The following PRIM2 variants were observed in gnomAD, a reference collection of about 807,000 sequenced individuals.
PRIM2 encodes DNA primase large subunit.
PRIM2 carries 39 observed loss-of-function variants against 67.3 expected under a neutral mutation model. That is an observed-to-expected ratio of 0.58 (90% CI 0.45 to 0.76). The LOEUF is 0.76. Among genes scored for constraint, PRIM2 ranks in the 30% least tolerant of loss-of-function variants. The pLI is 0.00. For synonymous variants in PRIM2, 143 were observed against 198.7 expected, an observed-to-expected ratio of 0.72 and a Z score of 2.36; for missense variants, 398 against 598.7, an observed-to-expected ratio of 0.66 and a Z score of 3.50.
At chr6:57,544,960 A>AT (rs1307578076) in intron 10 of PRIM2, among the ~76,000 whole-genome samples, 3 of 152,120 alleles carry the variant, frequency 2.0e-5, no homozygotes, top group Non-Finnish European at 4.4e-5. Context: ...CAAATCTTTA[A>AT]AGTTTAGCTT....
chr6:57,458,388 G>T (rs1772880854), intron 7 of PRIM2, among the ~76,000 whole-genome samples: 1 of 152,176 alleles, frequency 6.6e-6, no homozygotes, highest in African/African-American at 2.4e-5. Context: ...CCCTGGAAAA[G>T]AACTGTGATT....
chr6:57,367,309 A>G (rs1224454184), intron 5 of PRIM2, among the ~76,000 whole-genome samples: 1 of 152,200 alleles, frequency 6.6e-6, no homozygotes, highest in South Asian at 2.1e-4. Context: ...TTTGTTAAAG[A>G]TTTTCCAATT....
At chr6:57,387,760 T>C (rs1217908001) in intron 7 of PRIM2, among the ~76,000 whole-genome samples, 1 of 151,572 alleles carries the variant, frequency 6.6e-6, no homozygotes, top group Non-Finnish European at 1.5e-5. Context: ...CCAGTTCTTT[T>C]ATTTAATGGT....
chr6:57,445,522 C>A (rs980732346), intron 7 of PRIM2, among the ~76,000 whole-genome samples: 5 of 152,116 alleles, frequency 3.3e-5, no homozygotes, highest in African/African-American at 1.2e-4. Flanking sequence ...CACCTCTAGG[C>A]CATCTTTGTT....
At chr6:57,334,668 A>G (rs886368118) in intron 5 of PRIM2, among the ~76,000 whole-genome samples, 4 of 152,092 alleles carry the variant, frequency 2.6e-5, no homozygotes, top group African/African-American at 9.7e-5. Flanking sequence ...CAAAGAAATA[A>G]GAGGATAATA....
At chr6:57,620,447 T>C (rs1158631113) in intron 12 of PRIM2, among the ~76,000 whole-genome samples, 2 of 152,290 alleles carry the variant, frequency 1.3e-5, no homozygotes, top group East Asian at 3.9e-4. Flanking sequence ...CCAAGAATTT[T>C]GTATCCAGTG....
intron 7 of PRIM2, among the ~76,000 whole-genome samples, chr6:57,475,505 C>T (rs1406789798): frequency 6.6e-6 from 1 of 152,196 alleles, no homozygotes; most frequent in African/African-American, 2.4e-5. Flanking sequence ...TTTTAAGGTT[C>T]ATCCATTTTG....
chr6:57,549,767 T>G (rs1775363232), intron 10 of PRIM2, among the ~76,000 whole-genome samples: 1 of 152,198 alleles, frequency 6.6e-6, no homozygotes, highest in South Asian at 2.1e-4. Flanking sequence ...TTCGTGTTAG[T>G]GAGATCCTAG....
chr6:57,527,692 CTTGTGT>C (rs1774788993), intron 8 of PRIM2, among the ~76,000 whole-genome samples: 1 of 152,198 alleles, frequency 6.6e-6, no homozygotes, highest in Non-Finnish European at 1.5e-5. Context: ...ATCTGCCTTT[CTTGTGT>C]TGTATCTAAC....
At chr6:57,534,692 G>A (rs1181694485) in intron 9 of PRIM2, among the ~76,000 whole-genome samples, 1 of 152,146 alleles carries the variant, frequency 6.6e-6, no homozygotes, top group East Asian at 1.9e-4. Context: ...CCAAACTCAT[G>A]TTGTGGCCTC....
intron 7 of PRIM2, among the ~76,000 whole-genome samples, chr6:57,446,574 T>C (rs72873598): frequency 2.0e-5 from 3 of 151,510 alleles, no homozygotes; most frequent in African/African-American, 7.3e-5. Context: ...CCACCATGCC[T>C]GGGGCTGCTT....
intron 12 of PRIM2, among the ~76,000 whole-genome samples, chr6:57,618,735 G>A (rs1392443147): frequency 2.0e-5 from 3 of 152,104 alleles, no homozygotes; most frequent in African/African-American, 7.2e-5. Context: ...AGTGACCTGG[G>A]AATCTCACCC....
intron 10 of PRIM2, among the ~76,000 whole-genome samples, chr6:57,598,023 A>G (rs1302780828): frequency 2.0e-5 from 3 of 152,250 alleles, no homozygotes; most frequent in Non-Finnish European, 4.4e-5. Flanking sequence ...TCATAGGAGT[A>G]AAAACTATAA....
At chr6:57,416,112 A>C (rs1351056705) in intron 7 of PRIM2, among the ~76,000 whole-genome samples, 2 of 152,212 alleles carry the variant, frequency 1.3e-5, no homozygotes, top group South Asian at 2.1e-4. Flanking sequence ...AGGAATCGCT[A>C]TCTATAGTAG....
At chr6:57,394,255 A>G (rs1581859298) in intron 7 of PRIM2, among the ~76,000 whole-genome samples, 1 of 152,082 alleles carries the variant, frequency 6.6e-6, no homozygotes, top group South Asian at 2.1e-4. Flanking sequence ...TTTTGGCAGT[A>G]TGGTCATTTT....
chr6:57,287,013 A>C, the PRIM2 span, among the ~76,000 whole-genome samples: 1 of 152,358 alleles, frequency 6.6e-6, no homozygotes, highest in South Asian at 2.1e-4. Context: ...AAAAAAGCTC[A>C]TCATCACTGG....
chr6:57,627,279 C>CCAAAAA lies in PRIM2; in HGVS notation c.1231-4854_1231-4853insCAAAAA, dbSNP rs1776965043. Among the ~76,000 whole-genome samples the CCAAAAA allele has an allele frequency of 1.2e-4, 3 of 24,538 alleles. 1 individual carries two copies. The highest frequency in any genetic ancestry group is 2.4e-4 in the Non-Finnish European group (3 of 12,588). The allele number at this position is 24,538 out of a possible 152,430, so 16.1% of individuals were successfully genotyped here. On this transcript the variant is annotated intron_variant, in intron 12 of 13. Transcript: ENST00000615550. ...TGGGTGACAGAGTGAGACTCTGTCT[C>CCAAAAA]AAAAAAAAAAAAAAAAAAAAAAAAA...
intron 7 of PRIM2, among the ~76,000 whole-genome samples, chr6:57,413,351 C>G (rs1489806397): frequency 1.4e-4 from 21 of 151,878 alleles, no homozygotes; most frequent in Admixed American, 1.2e-3. Context: ...TGGTATATAA[C>G]TTTTCCATAG....
chr6:57,514,489 A>C lies in PRIM2; in HGVS notation c.761+7035A>C, dbSNP rs1774439210. Among the ~76,000 whole-genome samples the C allele has an allele frequency of 3.9e-5, 6 of 152,022 alleles. No homozygotes were observed. The South Asian group carries it at 1.0e-3, about 26-fold the overall frequency. On this transcript the variant is annotated intron_variant, in intron 8 of 13. Transcript: ENST00000615550. ...AGTTGTTTGTTAGCTCTTTCTCATC[A>C]CCTGTTTCCAGTCTCTGGCAGTACC...
Sources: allele counts gnomAD v4.1 joint callset (sites outside exome capture counted in the v4.1 genomes callset), GRCh38; gene constraint gnomAD v4.1.1; transcripts MANE v1.5; gene names NCBI Gene and HGNC (gene_info 2026-07-23, HGNC 2026-07-21).